Variants in PCDHA4 observed in about 807,000 individuals in gnomAD.
PCDHA4 encodes the protein protocadherin alpha 4, also known as protocadherin alpha-4.
PCDHA4 carries 49 observed loss-of-function variants against 61.4 expected under a neutral mutation model. The observed-to-expected ratio is 0.80, with a 90% CI of 0.63 to 1.01. The LOEUF (loss-of-function observed/expected upper bound fraction) is 1.01. Ranked by LOEUF, PCDHA4 falls within the 50% of genes least tolerant of loss-of-function variation. The pLI is 0.00. For missense variants in PCDHA4, 1,254 were observed against 1,235.8 expected (o/e 1.01, Z -0.22); for synonymous variants, 590 against 550.3 (o/e 1.07, Z -1.01).
chr5:140,857,717 G>T, intron 1 of PCDHA4: 1 of 1,597,518 alleles, frequency 6.3e-7, no homozygotes, highest in Non-Finnish European at 8.6e-7. Context: ...CGTGCTGGAC[G>T]AGAACGACAA....
intron 1 of PCDHA4, chr5:140,810,947 T>C (rs1170384850): frequency 6.6e-6 from 1 of 152,206 alleles, no homozygotes; most frequent in Non-Finnish European, 1.5e-5. Flanking sequence ...ACAATCCATT[T>C]GGAATATACA....
rs2150428040 is a variant in PCDHA4, at chr5:140,848,992, C to T, written c.2385+39420C>T. On this transcript the variant is annotated intron_variant, in intron 1 of 3. Coordinates refer to ENST00000530339, the MANE Select transcript of PCDHA4 (RefSeq NM_018907.4). ...TCCGATGCAGATATCGGGGAGAACG[C>T]CCTGCTCACTTACAGACTGAGCCCC... is the stretch of plus-strand genomic sequence containing the variant. The T allele has an allele frequency of 2.5e-6, 4 of 1,597,000 alleles. No individual in the cohort carries two copies. In the African/African-American group the frequency reaches 4.1e-5, roughly 16 times the overall value.
chr5:140,979,961 C>G (rs1554241296), intron 2 of PCDHA4, among the ~76,000 whole-genome samples: 1 of 152,054 alleles, frequency 6.6e-6, no homozygotes, highest in Non-Finnish European at 1.5e-5. Context: ...TAGTTTTAGC[C>G]CATTAAAATG....
intron 1 of PCDHA4, among the ~76,000 whole-genome samples, chr5:140,886,239 TAAATA>T (rs2060905359): frequency 6.6e-6 from 1 of 152,062 alleles, no homozygotes; most frequent in African/African-American, 2.4e-5. Context: ...ACTTCAGAAA[TAAATA>T]AAAGTATCTC....
At chr5:140,819,251 A>ATATC (rs1554127623) in intron 1 of PCDHA4, among the ~76,000 whole-genome samples, 3 of 152,188 alleles carry the variant, frequency 2.0e-5, no homozygotes, top group African/African-American at 7.2e-5. Context: ...GCAATCTGGT[A>ATATC]TATCTATATA....
intron 1 of PCDHA4, among the ~76,000 whole-genome samples, chr5:140,891,366 T>C (rs1261887556): frequency 6.6e-6 from 1 of 152,168 alleles, no homozygotes; most frequent in Non-Finnish European, 1.5e-5. Flanking sequence ...CTGAGCAGTA[T>C]ACATTGCACC....
chr5:140,887,950 A>G (rs1397658604), intron 1 of PCDHA4, among the ~76,000 whole-genome samples: 1 of 152,110 alleles, frequency 6.6e-6, no homozygotes, highest in Non-Finnish European at 1.5e-5. Context: ...TATCTGTATA[A>G]GATTCTTTTT....
chr5:140,901,069 T>C (rs1175492593), intron 1 of PCDHA4, among the ~76,000 whole-genome samples: 2 of 152,186 alleles, frequency 1.3e-5, no homozygotes, highest in Admixed American at 6.5e-5. Context: ...GATTTTTTTT[T>C]CTATAGAGTT....
chr5:141,000,389 C>A (rs868958582), intron 3 of PCDHA4, among the ~76,000 whole-genome samples: 168 of 62,538 alleles, frequency 2.7e-3, no homozygotes, highest in Non-Finnish European at 3.7e-3. Flanking sequence ...CTCTCTCTCT[C>A]TCTCTCTATA....
chr5:140,836,877 C>T (rs937347859), intron 1 of PCDHA4: 1 of 682,570 alleles, frequency 1.5e-6, no homozygotes, highest in Non-Finnish European at 2.3e-6. Context: ...GCTGTATTTG[C>T]ACTAATTATT....
At chr5:140,871,308 G>GC (rs2052955236) in intron 1 of PCDHA4, 1 of 1,613,880 alleles carries the variant, frequency 6.2e-7, no homozygotes. Flanking sequence ...CGCCGGGGAA[G>GC]CCCACGCTGG....
At chr5:140,910,856 C>T (rs548609862) in intron 1 of PCDHA4, among the ~76,000 whole-genome samples, 15 of 152,300 alleles carry the variant, frequency 9.8e-5, no homozygotes, top group Non-Finnish European at 2.2e-4. Flanking sequence ...ATCTATGTTC[C>T]ATCCACCATT....
At chr5:140,971,632 A>G (rs1228797401) in intron 1 of PCDHA4, among the ~76,000 whole-genome samples, 2 of 152,158 alleles carry the variant, frequency 1.3e-5, no homozygotes, top group Admixed American at 6.5e-5. Context: ...AATTAGTACC[A>G]TGTGCCTACA....
intron 1 of PCDHA4, chr5:140,865,997 T>C (rs990195272): frequency 2.6e-5 from 4 of 152,210 alleles, no homozygotes; most frequent in Admixed American, 6.5e-5. Context: ...AGTTTTTTTA[T>C]GTTAAGTGAT....
At chr5:140,995,168 A>G (rs1554254492) in intron 3 of PCDHA4, among the ~76,000 whole-genome samples, 1 of 152,186 alleles carries the variant, frequency 6.6e-6, no homozygotes. Context: ...ATGTTCTTTC[A>G]TAGGTGCACC....
chr5:140,870,915 G>A (rs1554164824), intron 1 of PCDHA4: 4 of 1,613,830 alleles, frequency 2.5e-6, no homozygotes, highest in Non-Finnish European at 3.4e-6. Flanking sequence ...GCTACAACGC[G>A]TGGCTTTCAT....
At chr5:140,970,243 T>C (rs1554232347) in intron 1 of PCDHA4, among the ~76,000 whole-genome samples, 1 of 152,252 alleles carries the variant, frequency 6.6e-6, no homozygotes, top group Non-Finnish European at 1.5e-5. Flanking sequence ...TGATTTTCTG[T>C]TGACAGTTTC....
intron 3 of PCDHA4, among the ~76,000 whole-genome samples, chr5:140,984,467 T>G (rs1358469857): frequency 4.6e-5 from 7 of 152,220 alleles, no homozygotes; most frequent in African/African-American, 1.7e-4. Context: ...CCAGCCCCTC[T>G]TGTATAACCC....
intron 1 of PCDHA4, chr5:140,829,441 C>T (rs1554131960): frequency 6.2e-7 from 1 of 1,613,912 alleles, no homozygotes; most frequent in Non-Finnish European, 8.5e-7. Context: ...ACATGAATGA[C>T]AATGCTCCGG....
Sources: gnomAD v4.1 joint callset for allele counts (sites outside exome capture counted in the v4.1 genomes callset) on GRCh38, gnomAD v4.1.1 for gene constraint, MANE v1.5 for transcripts, NCBI Gene and HGNC (gene_info 2026-07-23, HGNC 2026-07-21) for gene names.